The following GRAMD2B variants were observed in gnomAD, a reference collection of about 807,000 sequenced individuals.
GRAMD2B encodes GRAM domain-containing protein 2B.
GRAMD2B carries 41 observed loss-of-function variants against 59.2 expected under a neutral mutation model. That is an observed-to-expected ratio of 0.69 (90% CI 0.54 to 0.90). GRAMD2B has a LOEUF of 0.90. GRAMD2B is among the 40% of genes least tolerant of loss of function. GRAMD2B has a pLI of 0.00. For missense variants in GRAMD2B, 424 were observed against 500.5 expected (o/e 0.85, Z 1.46); for synonymous variants, 161 against 182.7 (o/e 0.88, Z 0.96).
At position 126,493,349 on chromosome 5, in the gene GRAMD2B, T is replaced by G. The variant is rs1241799495; in HGVS notation, c.*393T>G. On this transcript the variant is annotated 3_prime_UTR_variant, in exon 14 of 14. Coordinates refer to ENST00000285689, the MANE Select transcript of GRAMD2B (RefSeq NM_023927.4). Reference sequence around the variant, plus strand: ...ACACCCCTCTTAACGACTTTCAAACTAAAGGATACATCATATACTGACAAA... The same window carrying G: ...ACACCCCTCTTAACGACTTTCAAACGAAAGGATACATCATATACTGACAAA... 3 of 193,172 alleles carry G rather than the reference T, an allele frequency of 1.6e-5. No individual in the cohort carries two copies. In the Admixed American group the frequency reaches 1.6e-4, roughly 10 times the overall value. The allele number at this position is 193,172 out of a possible 1,614,324, so 12.0% of individuals were successfully genotyped here. A position where few individuals can be genotyped will look rare whatever the true frequency, so the allele number is the denominator to read the frequency against.
chr5:126,483,663 G>C, intron 9 of GRAMD2B, 89 bp downstream of exon 9: 6 of 690,124 alleles, frequency 8.7e-6, no homozygotes, highest in Non-Finnish European at 2.4e-6. Context: ...GAAAAGAAAA[G>C]AAAGAAAAAA....
chr5:126,401,104 A>T (rs576153899), intron 1 of GRAMD2B, among the ~76,000 whole-genome samples: 1 of 151,950 alleles, frequency 6.6e-6, no homozygotes, highest in Non-Finnish European at 1.5e-5. Flanking sequence ...TAAATCTCTT[A>T]GGCTTTCTTT....
intron 1 of GRAMD2B, among the ~76,000 whole-genome samples, chr5:126,365,811 A>G (rs1754415204): frequency 6.6e-6 from 1 of 152,162 alleles, no homozygotes; most frequent in South Asian, 2.1e-4. Context: ...AAAATCAACT[A>G]TCTCAAATCA....
At chr5:126,392,717 T>C (rs958122683) in intron 1 of GRAMD2B, among the ~76,000 whole-genome samples, 4 of 149,860 alleles carry the variant, frequency 2.7e-5, no homozygotes, top group Admixed American at 1.3e-4. Context: ...GAGGGTGAGG[T>C]GGGGGCAGGG....
At chr5:126,370,438 G>A (rs1004737126), upstream of GRAMD2B, among the ~76,000 whole-genome samples, 7 of 152,130 alleles carry the variant, frequency 4.6e-5, no homozygotes, top group African/African-American at 1.7e-4. Context: ...TAATCACAAG[G>A]GGAACAAGGA....
chr5:126,453,715 C>G (rs573491892), intron 1 of GRAMD2B, among the ~76,000 whole-genome samples: 1 of 152,310 alleles, frequency 6.6e-6, no homozygotes, highest in Admixed American at 6.5e-5. Context: ...TATTACTCAT[C>G]TAACTAATAA....
At chr5:126,445,673 G>T (rs1764089619) in intron 1 of GRAMD2B, 2 of 152,126 alleles carry the variant, frequency 1.3e-5, no homozygotes, top group African/African-American at 2.4e-5. Flanking sequence ...AGAAGCAGCT[G>T]CAGCCTGAGG....
chr5:126,442,683 T>C (rs1291485332), intron 1 of GRAMD2B, among the ~76,000 whole-genome samples: 1 of 152,184 alleles, frequency 6.6e-6, no homozygotes. Flanking sequence ...CGTCTGTAAA[T>C]ATTTCCTTGA....
chr5:126,414,241 G>T (rs1045080019), intron 1 of GRAMD2B, among the ~76,000 whole-genome samples: 2 of 151,988 alleles, frequency 1.3e-5, no homozygotes, highest in Non-Finnish European at 2.9e-5. Flanking sequence ...TCAAAATCTG[G>T]GGGCTTCGGT....
intron 1 of GRAMD2B, among the ~76,000 whole-genome samples, chr5:126,438,681 G>C (rs898416051): frequency 6.6e-6 from 1 of 152,102 alleles, no homozygotes; most frequent in African/African-American, 2.4e-5. Context: ...ATAAAGACTG[G>C]TATTTTTTTC....
Position 126,360,946 on chromosome 5 carries a change from T to G in GRAMD2B, c.128+487T>G, listed in dbSNP as rs187998714. ...TTTTGGTTTTAGGTTCCTTTTAACC[T>G]AGAAAGGTAGGTTTGGGTTTGGGTT... On this transcript the variant is annotated intron_variant, in intron 1 of 13. Coordinates refer to the GRAMD2B transcript ENST00000513040. 1.5e-3 allele frequency among the ~76,000 whole-genome samples: 226 copies of G among 152,338 alleles called. 6 individuals carry two copies. The East Asian group carries it at 0.04, about 27-fold the overall frequency.
intron 1 of GRAMD2B, among the ~76,000 whole-genome samples, chr5:126,374,237 T>C (rs1224109819): frequency 6.6e-6 from 1 of 152,246 alleles, no homozygotes; most frequent in Non-Finnish European, 1.5e-5. Context: ...ACTGGAATTG[T>C]CTGATTTTTT....
chr5:126,439,234 T>G (rs1224093584), intron 1 of GRAMD2B, among the ~76,000 whole-genome samples: 8 of 152,268 alleles, frequency 5.3e-5, no homozygotes, highest in Admixed American at 1.3e-4. Flanking sequence ...TGCAAGAGGT[T>G]GGACTTTCCG....
intron 4 of GRAMD2B, among the ~76,000 whole-genome samples, chr5:126,472,667 G>A (rs1581198692): frequency 6.6e-6 from 1 of 151,746 alleles, no homozygotes; most frequent in African/African-American, 2.4e-5. Flanking sequence ...CACATCCTTA[G>A]ACATGGACAG....
At chr5:126,430,693 AAAAG>A (rs1761418555) in intron 1 of GRAMD2B, among the ~76,000 whole-genome samples, 1 of 152,198 alleles carries the variant, frequency 6.6e-6, no homozygotes, top group Admixed American at 6.5e-5. Context: ...TCACAAGAAA[AAAAG>A]AAAAAGAAAA....
chr5:126,369,402 C>A (rs1363501388), upstream of GRAMD2B, among the ~76,000 whole-genome samples: 1 of 151,594 alleles, frequency 6.6e-6, no homozygotes, highest in South Asian at 2.1e-4. Flanking sequence ...GTAATTTGGG[C>A]AACGATTAAA....
intron 1 of GRAMD2B, among the ~76,000 whole-genome samples, chr5:126,431,041 A>C (rs908424579): frequency 1.3e-5 from 2 of 152,232 alleles, no homozygotes; most frequent in African/African-American, 4.8e-5. Flanking sequence ...GATAGATACA[A>C]AATGAAAAAC....
intron 1 of GRAMD2B, chr5:126,445,436 C>A (rs913999755): frequency 1.3e-5 from 2 of 152,118 alleles, no homozygotes; most frequent in African/African-American, 4.8e-5. Flanking sequence ...TTGTATTTCT[C>A]TAATGATCAG....
intron 1 of GRAMD2B, among the ~76,000 whole-genome samples, chr5:126,364,472 C>A (rs534463051): frequency 6.6e-6 from 1 of 152,190 alleles, no homozygotes. Flanking sequence ...GTTGTAGGAT[C>A]GCTTCCCGCT....
Sources: gnomAD v4.1 joint callset for allele counts (sites outside exome capture counted in the v4.1 genomes callset) on GRCh38, gnomAD v4.1.1 for gene constraint, MANE v1.5 for transcripts, NCBI Gene and HGNC (gene_info 2026-07-23, HGNC 2026-07-21) for gene names.